Variants in NPAS3 observed in about 807,000 individuals in gnomAD.
NPAS3 encodes the protein neuronal PAS domain protein 3.
A neutral mutation model predicts 73.1 loss-of-function variants in NPAS3; 14 were observed. That is an observed-to-expected ratio of 0.19 (90% CI 0.13 to 0.30). The LOEUF (loss-of-function observed/expected upper bound fraction) is 0.30. NPAS3 is among the 10% of genes least tolerant of loss of function. NPAS3 has a pLI of 1.00. For missense variants in NPAS3, 1,096 were observed against 1,250.0 expected, an observed-to-expected ratio of 0.88 and a Z score of 1.86; for synonymous variants, 620 against 541.5, an observed-to-expected ratio of 1.14 and a Z score of -2.01.
At chr14:33,793,530 A>G (rs1270122401) in intron 9 of NPAS3, among the ~76,000 whole-genome samples, 1 of 152,234 alleles carries the variant, frequency 6.6e-6, no homozygotes, top group Admixed American at 6.5e-5. Flanking sequence ...AGCTATGAAT[A>G]AATCACATAC....
chr14:33,020,166 A>G (rs17455703), intron 1 of NPAS3, among the ~76,000 whole-genome samples: 36,734 of 152,194 alleles, frequency 0.24, 4,535 homozygotes, highest in South Asian at 0.33. Context: ...AGTACAGAGT[A>G]AAACTTCAGA....
chr14:33,755,806 T>C (rs1242985903), intron 7 of NPAS3, among the ~76,000 whole-genome samples: 1 of 152,136 alleles, frequency 6.6e-6, no homozygotes, highest in Non-Finnish European at 1.5e-5. Flanking sequence ...TCTGTTCAAC[T>C]TCTGGTGAGA....
At chr14:33,176,949 T>C (rs987759781) in intron 2 of NPAS3, among the ~76,000 whole-genome samples, 1 of 151,962 alleles carries the variant, frequency 6.6e-6, no homozygotes, top group Admixed American at 6.6e-5. Context: ...AATTCTGGTT[T>C]GCATTTCCTT....
At chr14:33,539,838 G>A (rs892557997) in intron 4 of NPAS3, among the ~76,000 whole-genome samples, 2 of 152,084 alleles carry the variant, frequency 1.3e-5, no homozygotes, top group Admixed American at 1.3e-4. Context: ...TGTTTGGGGG[G>A]TTTGTCTTTG....
At chr14:33,100,219 T>C (rs2042542807) in intron 2 of NPAS3, among the ~76,000 whole-genome samples, 1 of 152,172 alleles carries the variant, frequency 6.6e-6, no homozygotes, top group Admixed American at 6.5e-5. Context: ...TTTTAAACAT[T>C]CTGAATTGTA....
intron 1 of NPAS3, among the ~76,000 whole-genome samples, chr14:32,983,344 A>G (rs1239165187): frequency 2.0e-5 from 3 of 152,156 alleles, no homozygotes; most frequent in Non-Finnish European, 1.5e-5. Context: ...ATGCATATGT[A>G]TATGCATGCT....
intron 2 of NPAS3, among the ~76,000 whole-genome samples, chr14:33,132,330 G>A (rs747599657): frequency 6.6e-5 from 10 of 152,160 alleles, no homozygotes; most frequent in Non-Finnish European, 1.5e-4. Context: ...ACTTAGGGAG[G>A]CAAGGGTAGT....
chr14:33,725,952 C>T (rs1289899194), intron 6 of NPAS3, among the ~76,000 whole-genome samples: 1 of 152,142 alleles, frequency 6.6e-6, no homozygotes, highest in Non-Finnish European at 1.5e-5. Flanking sequence ...CTGTCACACT[C>T]CTGTCTCTCT....
At chr14:32,969,340 G>A (rs983854003) in intron 1 of NPAS3, among the ~76,000 whole-genome samples, 1 of 152,270 alleles carries the variant, frequency 6.6e-6, no homozygotes. Flanking sequence ...TGTGGGTGGG[G>A]AGTGGGGAGT....
chr14:33,215,055 C>A, intron 2 of NPAS3, 127 bp from the exon 3 acceptor site: 1 of 953,832 alleles, frequency 1.0e-6, no homozygotes. Context: ...TTTACTGTCA[C>A]TCTCTAGTTT....
intron 4 of NPAS3, among the ~76,000 whole-genome samples, chr14:33,529,744 C>T (rs1036987789): frequency 2.6e-5 from 4 of 151,748 alleles, no homozygotes; most frequent in Admixed American, 1.3e-4. Context: ...TGAACATCCC[C>T]AGAAAAGTGG....
intron 4 of NPAS3, among the ~76,000 whole-genome samples, chr14:33,423,762 G>T (rs2048447448): frequency 6.6e-6 from 1 of 151,896 alleles, no homozygotes; most frequent in African/African-American, 2.4e-5. Context: ...TAAGTGTTCA[G>T]AGAAGGGTAC....
chr14:33,289,519 G>A (rs1437945862), intron 3 of NPAS3, among the ~76,000 whole-genome samples: 1 of 152,094 alleles, frequency 6.6e-6, no homozygotes, highest in Non-Finnish European at 1.5e-5. Flanking sequence ...CCTGAAAGAT[G>A]GCTTTAGTAA....
chr14:32,962,521 A>G (rs1009383968), intron 1 of NPAS3, among the ~76,000 whole-genome samples: 11 of 151,736 alleles, frequency 7.2e-5, no homozygotes, highest in African/African-American at 2.7e-4. Flanking sequence ...AGTTTATACC[A>G]CAAATCTTTG....
Position 33,800,744 on chromosome 14 carries a change from C to G in NPAS3, c.2437C>G (p.Leu813Val). The G allele has an allele frequency of 1.3e-6, 2 of 1,560,460 alleles. No individual in the cohort carries two copies. Among genetic ancestry groups the G allele is most frequent in the South Asian group, 1.2e-5 (1 of 85,050 alleles). Residue 813 changes from leucine to valine, a missense_variant, in exon 12 of 12, where the codon CTG (leucine) becomes GTG (valine). Coordinates refer to ENST00000356141, the Ensembl canonical transcript of NPAS3. This position sits in a 1 kb window ranked among gnomAD's most constrained non-coding sequence, Gnocchi z 6.5. ...GCTGGTGCACAGGGTGACCGGGACCCTGGCCGCCACCAGCACGGCCGCGCA... is the reference window on the plus strand; with the variant it reads ...GCTGGTGCACAGGGTGACCGGGACCGTGGCCGCCACCAGCACGGCCGCGCA...
chr14:33,066,253 T>C (rs1373390148), intron 2 of NPAS3, among the ~76,000 whole-genome samples: 1 of 152,060 alleles, frequency 6.6e-6, no homozygotes, highest in Non-Finnish European at 1.5e-5. Flanking sequence ...GCACCACCCT[T>C]TTAAAAGGAG....
intron 4 of NPAS3, among the ~76,000 whole-genome samples, chr14:33,391,565 C>T (rs1451164582): frequency 6.6e-6 from 1 of 152,094 alleles, no homozygotes; most frequent in Non-Finnish European, 1.5e-5. Flanking sequence ...TCTCAAAAAC[C>T]TCTTTAATTT....
intron 2 of NPAS3, among the ~76,000 whole-genome samples, chr14:33,065,651 A>C (rs1435347004): frequency 2.0e-5 from 3 of 151,902 alleles, no homozygotes; most frequent in Non-Finnish European, 2.9e-5. Context: ...ATCTTATTTA[A>C]ATCCTAATTT....
intron 2 of NPAS3, among the ~76,000 whole-genome samples, chr14:33,119,622 A>G (rs1004185607): frequency 6.6e-6 from 1 of 152,128 alleles, no homozygotes; most frequent in Non-Finnish European, 1.5e-5. Context: ...TTTTAGATGG[A>G]GTGCATAAAA....
Sources: gnomAD v4.1 joint callset for allele counts (sites outside exome capture counted in the v4.1 genomes callset) on GRCh38, gnomAD v4.1.1 for gene constraint, Gnocchi (gnomAD v3.1) non-coding constraint, MANE v1.5 for transcripts, NCBI Gene and HGNC (gene_info 2026-07-23, HGNC 2026-07-21) for gene names.